The following STXBP4 variants were observed in gnomAD, a reference collection of about 807,000 sequenced individuals.
The protein encoded by STXBP4 is syntaxin-binding protein 4.
Under a neutral mutation model 76.1 loss-of-function variants are expected in STXBP4, and 55 were observed. That is an observed-to-expected ratio of 0.72 (90% CI 0.58 to 0.91). STXBP4 has a LOEUF of 0.91. Ranked by LOEUF, STXBP4 falls within the 40% of genes least tolerant of loss-of-function variation. The pLI is 0.00. For missense variants in STXBP4, 618 were observed against 636.9 expected, an observed-to-expected ratio of 0.97 and a Z score of 0.32; for synonymous variants, 201 against 220.2, an observed-to-expected ratio of 0.91 and a Z score of 0.77.
intron 7 of STXBP4, among the ~76,000 whole-genome samples, chr17:55,007,002 T>G (rs2144538209): frequency 6.6e-6 from 1 of 152,286 alleles, no homozygotes; most frequent in East Asian, 1.9e-4. Flanking sequence ...ATCTTAGGAC[T>G]TAAGTAAAGC....
At position 55,159,865 on chromosome 17, in the gene STXBP4, A is replaced by G. The variant is rs2080321918; in HGVS notation, c.1616A>G (p.Glu539Gly). The change falls in exon 18 of 18, where the codon GAG becomes GGG. Residue 539 changes from glutamate (E) to glycine (G), a missense_variant. Glu to Gly is a moderately conservative substitution (Grantham distance 98, BLOSUM62 -2). Coordinates refer to ENST00000376352, the MANE Select transcript of STXBP4 (RefSeq NM_178509.6). Reference protein sequence around the residue: ...MSVLNLSRSEENEEDCSRELP... With the variant: ...MSVLNLSRSEGNEEDCSRELP... ...GTCCTGAATCTATCTCGCTCAGAGG[A>G]GAATGAAGAGGATTGCTCTAGAGAA... The G allele has an allele frequency of 6.2e-7, 1 of 1,614,020 alleles. No homozygotes were observed. Among genetic ancestry groups the G allele is most frequent in the Non-Finnish European group, 8.5e-7 (1 of 1,179,926 alleles).
chr17:55,143,157 T>A (rs1169086138), intron 17 of STXBP4, among the ~76,000 whole-genome samples: 1 of 152,232 alleles, frequency 6.6e-6, no homozygotes, highest in Non-Finnish European at 1.5e-5. Context: ...TTATATCATT[T>A]AATGCTCTTA....
rs183549545 is a variant in STXBP4, at chr17:55,061,274, G to A, written c.1012-11626G>A. Among the ~76,000 whole-genome samples the A allele has an allele frequency of 7.2e-5, 11 of 152,226 alleles. No individual in the cohort carries two copies. The East Asian group carries it at 2.1e-3, about 29-fold the overall frequency. On this transcript the variant is annotated intron_variant, in intron 12 of 17. Coordinates refer to ENST00000376352, the MANE Select transcript of STXBP4 (RefSeq NM_178509.6). ...ACAACAATAATAAGTGATTCCTAAA[G>A]TACTTTTCACATTTTCACACTTTTA...
chr17:55,021,827 T>G (rs566180881), intron 8 of STXBP4, among the ~76,000 whole-genome samples: 7 of 152,296 alleles, frequency 4.6e-5, no homozygotes, highest in African/African-American at 1.7e-4. Context: ...TCTTAAAAAT[T>G]TATCAAACGA....
chr17:55,164,316 C>G lies in STXBP4; in HGVS notation c.*4405C>G, dbSNP rs1598361170. Reference sequence around the variant, plus strand: ...TTTCTGTCTACTTTTTTCAAAAGTTCAATTTTTACTTTTGGGGGTTGGACT... The same window carrying G: ...TTTCTGTCTACTTTTTTCAAAAGTTGAATTTTTACTTTTGGGGGTTGGACT... On this transcript the variant is annotated 3_prime_UTR_variant, in exon 18 of 18. Transcript: ENST00000376352. The G allele has an allele frequency of 1.3e-5, 2 of 151,692 alleles. No homozygotes were observed. Among genetic ancestry groups the G allele is most frequent in the East Asian group, 3.9e-4 (2 of 5,150 alleles). The allele number at this position is 151,692 out of a possible 1,614,324, so 9.4% of individuals were successfully genotyped here.
chr17:55,162,990 C>T lies in STXBP4; in HGVS notation c.*3079C>T, dbSNP rs2080350039. On this transcript the variant is annotated 3_prime_UTR_variant, in exon 18 of 18. Transcript: ENST00000376352. ...ATTTATATATTCATTAAATCCTTTT[C>T]CTCATGTATCTTTGCACTCTTGTGC... is the stretch of plus-strand genomic sequence containing the variant. 6.6e-6 allele frequency: 1 copy of T among 152,158 alleles called. No individual in the cohort carries two copies. Among genetic ancestry groups the T allele is most frequent in the South Asian group, 2.1e-4 (1 of 4,832 alleles). 9.4% of individuals were successfully genotyped at this position (152,158 alleles called of 1,614,324 possible).
chr17:55,206,204 A>G, the STXBP4 span, among the ~76,000 whole-genome samples: 39 of 152,216 alleles, frequency 2.6e-4, no homozygotes, highest in South Asian at 2.1e-4. Context: ...TATATTGTGT[A>G]TGTGTCTGTG....
At chr17:55,204,839 CACACAAACACACAT>C in the STXBP4 span, among the ~76,000 whole-genome samples, 1,222 of 34,340 alleles carry the variant, frequency 0.036, 19 homozygotes, top group African/African-American at 0.067. Flanking sequence ...CACACACACA[CACACAAACACACAT>C]ACCCCTTCAA....
At chr17:55,154,196 T>C (rs1214658986) in intron 17 of STXBP4, among the ~76,000 whole-genome samples, 1 of 152,126 alleles carries the variant, frequency 6.6e-6, no homozygotes, top group Non-Finnish European at 1.5e-5. Flanking sequence ...GGTTGGCGGA[T>C]AATGAGTGAG....
intron 16 of STXBP4, among the ~76,000 whole-genome samples, chr17:55,088,299 C>G (rs139616908): frequency 6.6e-5 from 10 of 152,212 alleles, no homozygotes; most frequent in African/African-American, 2.4e-4. Context: ...GGGTAATTGC[C>G]TCTACTTTCT....
the STXBP4 span, among the ~76,000 whole-genome samples, chr17:55,201,504 T>C: frequency 1.3e-5 from 2 of 152,126 alleles, no homozygotes; most frequent in Non-Finnish European, 2.9e-5. Context: ...TGTCTTGTGT[T>C]ATTAATAAAA....
chr17:55,170,451 G>A lies in STXBP4; in HGVS notation c.*10540G>A, dbSNP rs1231502329. 6.6e-6 allele frequency: 1 copy of A among 151,952 alleles called. No individual in the cohort carries two copies. The highest frequency in any genetic ancestry group is 1.5e-5 in the Non-Finnish European group (1 of 67,974). The allele number at this position is 151,952 out of a possible 1,614,324, so 9.4% of individuals were successfully genotyped here. ...TAGAAGATCTGAAAAAAAATTAGAT[G>A]ACATTATTTGTGATATCTATTTTAT... On this transcript the variant is annotated 3_prime_UTR_variant, in exon 18 of 18. Transcript: ENST00000376352.
chr17:54,974,458 CTTGA>C (rs1464751628), intron 1 of STXBP4, among the ~76,000 whole-genome samples: 3 of 152,164 alleles, frequency 2.0e-5, no homozygotes, highest in Admixed American at 1.3e-4. Flanking sequence ...TTTAAAAGCT[CTTGA>C]TTAAGTTTAT....
intron 10 of STXBP4, among the ~76,000 whole-genome samples, chr17:55,041,416 T>A (rs2078697730): frequency 1.3e-5 from 2 of 151,868 alleles, no homozygotes; most frequent in South Asian, 4.1e-4. Context: ...CATGGTCTCA[T>A]TATGTTGCCC....
At chr17:55,146,730 A>C (rs1245002453) in intron 17 of STXBP4, among the ~76,000 whole-genome samples, 2 of 152,076 alleles carry the variant, frequency 1.3e-5, no homozygotes, top group Non-Finnish European at 2.9e-5. Flanking sequence ...AAAAAAGAAA[A>C]AAAAAAAAGA....
the STXBP4 span, among the ~76,000 whole-genome samples, chr17:55,211,810 T>TG: frequency 2.4e-4 from 29 of 119,912 alleles, no homozygotes; most frequent in African/African-American, 1.1e-3. Context: ...TTTTTTTTTT[T>TG]TTTTTTTTTT....
chr17:55,185,245 T>TCTCCTC, the STXBP4 span, among the ~76,000 whole-genome samples: 2 of 57,916 alleles, frequency 3.5e-5, no homozygotes, highest in African/African-American at 8.2e-5. Flanking sequence ...TTCTTCTTCT[T>TCTCCTC]CTTCTCCTTC....
intron 10 of STXBP4, 147 bp downstream of exon 10, chr17:55,034,406 C>T: frequency 1.9e-6 from 1 of 516,634 alleles, no homozygotes; most frequent in Non-Finnish European, 3.2e-6. Context: ...AATTTAAAAT[C>T]AAAAGTAAAA....
chr17:55,049,661 G>T (rs2078834289), intron 12 of STXBP4, among the ~76,000 whole-genome samples: 2 of 151,942 alleles, frequency 1.3e-5, no homozygotes, highest in South Asian at 4.2e-4. Context: ...ACAAAGAAAT[G>T]AGTAAATATA....
Sources: gnomAD v4.1 joint callset for allele counts (sites outside exome capture counted in the v4.1 genomes callset) on GRCh38, gnomAD v4.1.1 for gene constraint, MANE v1.5 for transcripts, NCBI Gene and HGNC (gene_info 2026-07-23, HGNC 2026-07-21) for gene names.